Variants in ABHD2 observed in about 807,000 individuals in gnomAD.
ABHD2 encodes monoacylglycerol lipase ABHD2.
A neutral mutation model predicts 48.1 loss-of-function variants in ABHD2; 20 were observed. The ratio of observed to expected loss-of-function variants is 0.42; its 90% confidence interval spans 0.29 to 0.60. The LOEUF (loss-of-function observed/expected upper bound fraction) is 0.60. Among genes scored for constraint, ABHD2 ranks in the 20% least tolerant of loss-of-function variants. The probability of loss-of-function intolerance (pLI) is 0.24; values close to 1 mark genes in which losing one functional copy is unlikely to be tolerated. For missense variants in ABHD2, 405 were observed against 550.9 expected, an observed-to-expected ratio of 0.74 and a Z score of 2.65; for synonymous variants, 209 against 214.2, an observed-to-expected ratio of 0.98 and a Z score of 0.21.
Position 89,186,563 on chromosome 15 carries a change from T to C in ABHD2, c.815+1047T>C, listed in dbSNP as rs2051213565. On this transcript the variant is annotated intron_variant, in intron 7 of 10. Coordinates refer to ENST00000352732, the MANE Select transcript of ABHD2 (RefSeq NM_152924.5). This position sits in a 1 kb window ranked among gnomAD's most constrained non-coding sequence, Gnocchi z 4.3. ...AACTCAGCCCATCCTTTAAAGTCCA[T>C]CTCAATTCTCCTGCTTCTGTGAAGC... Among the ~76,000 whole-genome samples the C allele has an allele frequency of 6.6e-6, 1 of 152,050 alleles. No individual in the cohort carries two copies. The highest frequency in any genetic ancestry group is 6.5e-5 in the Admixed American group (1 of 15,268).
chr15:89,161,440 G>T, intron 5 of ABHD2, among the ~76,000 whole-genome samples: 1 of 151,858 alleles, frequency 6.6e-6, no homozygotes, highest in South Asian at 2.1e-4. Context: ...TCACTCTGTT[G>T]CCGAGGCTGG....
In ABHD2 at chr15:89,179,993, G is replaced by A. The variant is rs1021771093; in HGVS notation, c.722+3998G>A. 6.6e-6 allele frequency among the ~76,000 whole-genome samples: 1 copy of A among 152,214 alleles called. No individual in the cohort carries two copies. The highest frequency in any genetic ancestry group is 1.5e-5 in the Non-Finnish European group (1 of 68,026). ...TGGGCAAACTTCAGGCTAGAGATGA[G>A]TTTATGGCAAAAGCAAATATTATTC... On this transcript the variant is annotated intron_variant, in intron 6 of 10. Coordinates refer to ENST00000352732, the MANE Select transcript of ABHD2 (RefSeq NM_152924.5). The surrounding 1 kb of genome is among the most constrained non-coding windows in gnomAD (Gnocchi z 4.3).
At chr15:89,049,429 T>C in the ABHD2 span, among the ~76,000 whole-genome samples, 15 of 152,256 alleles carry the variant, frequency 9.9e-5, no homozygotes, top group South Asian at 2.1e-4. Context: ...TGTTCGAGCT[T>C]CCTGGCTGCT....
the ABHD2 span, among the ~76,000 whole-genome samples, chr15:89,080,341 G>A: frequency 1.7e-4 from 26 of 152,306 alleles, no homozygotes; most frequent in Non-Finnish European, 3.2e-4. Flanking sequence ...GTGTAAGGGT[G>A]TTCTCAAAAA....
intron 3 of ABHD2, among the ~76,000 whole-genome samples, chr15:89,121,223 C>T (rs1004761573): frequency 1.3e-5 from 2 of 152,168 alleles, no homozygotes; most frequent in African/African-American, 2.4e-5. Flanking sequence ...TCCTTGGTTT[C>T]CTTCTATGTA....
intron 8 of ABHD2, 94 bp from the exon 9 acceptor site, chr15:89,190,986 C>T (rs1239178932): frequency 5.8e-6 from 7 of 1,200,012 alleles, no homozygotes; most frequent in Admixed American, 1.8e-5. Flanking sequence ...CACAAGTTAG[C>T]GTGAGGAACT....
chr15:89,092,022 G>A lies in ABHD2; in HGVS notation c.-107+3459G>A, dbSNP rs527781411. On this transcript the variant is annotated intron_variant, in intron 1 of 10. Coordinates refer to ENST00000352732, the MANE Select transcript of ABHD2 (RefSeq NM_152924.5). This position sits in a 1 kb window ranked among gnomAD's most constrained non-coding sequence, Gnocchi z 4.4. ...TTAAGCCCTGTGCTGCTGTTTCTTTGTTGATACCATACAGATGCTACATTA... is the reference window on the plus strand; with the variant it reads ...TTAAGCCCTGTGCTGCTGTTTCTTTATTGATACCATACAGATGCTACATTA... Among the ~76,000 whole-genome samples, 3 of 152,180 alleles carry A rather than the reference G, an allele frequency of 2.0e-5. No individual in the cohort carries two copies. The highest frequency in any genetic ancestry group is 4.4e-5 in the Non-Finnish European group (3 of 68,044).
intron 3 of ABHD2, among the ~76,000 whole-genome samples, chr15:89,149,379 G>T (rs1288870655): frequency 6.6e-6 from 1 of 152,106 alleles, no homozygotes; most frequent in East Asian, 1.9e-4. Flanking sequence ...ATATATTTTT[G>T]TATATTTTAA....
intron 2 of ABHD2, among the ~76,000 whole-genome samples, chr15:89,115,748 T>G (rs892518992): frequency 2.0e-5 from 3 of 152,152 alleles, no homozygotes; most frequent in African/African-American, 7.2e-5. Context: ...TGAGTCAGGC[T>G]GAGGTTGCTT....
the ABHD2 span, among the ~76,000 whole-genome samples, chr15:89,047,416 G>C: frequency 3.9e-5 from 6 of 152,198 alleles, no homozygotes; most frequent in South Asian, 2.1e-4. Context: ...ATTAGGTCCA[G>C]TTGGTGCAGA....
At chr15:89,124,554 T>G (rs2050103262) in intron 3 of ABHD2, among the ~76,000 whole-genome samples, 1 of 152,234 alleles carries the variant, frequency 6.6e-6, no homozygotes, top group African/African-American at 2.4e-5. Flanking sequence ...CACATCAGAT[T>G]TAGATCCTTT....
Position 89,151,974 on chromosome 15 carries a change from G to T in ABHD2, c.370+122G>T. On this transcript the variant is annotated intron_variant, in intron 4 of 10. Transcript: ENST00000352732. The surrounding 1 kb of genome is among the most constrained non-coding windows in gnomAD (Gnocchi z 4.7). ...TGCCCATGGCATCAGGGGCTGTTGG[G>T]AAGCCTGCTGGGATTCGTCACTTAG... 1 of 1,306,644 alleles carries T rather than the reference G, an allele frequency of 7.7e-7. No homozygotes were observed. The allele number at this position is 1,306,644 out of a possible 1,614,324, so 80.9% of individuals were successfully genotyped here.
Position 89,173,189 on chromosome 15 carries a change from G to T in ABHD2, c.539-2623G>T, listed in dbSNP as rs1287456111. On this transcript the variant is annotated intron_variant, in intron 5 of 10. Transcript: ENST00000352732. This position sits in a 1 kb window ranked among gnomAD's most constrained non-coding sequence, Gnocchi z 6.5. ...TTGCTCATTGTGCTCTCAGCTGTTT[G>T]TTTGCACATCCCCTTTTTTATATCA... Among the ~76,000 whole-genome samples the T allele has an allele frequency of 6.6e-6, 1 of 152,234 alleles. No homozygotes were observed. The highest frequency in any genetic ancestry group is 1.5e-5 in the Non-Finnish European group (1 of 68,046).
In ABHD2 at chr15:89,188,170, G is replaced by C; in HGVS notation, c.816-23G>C. 3.7e-6 allele frequency: 6 copies of C among 1,603,790 alleles called. No homozygotes were observed. The highest frequency in any genetic ancestry group is 1.3e-5 in the African/African-American group (1 of 74,862). On this transcript the variant is annotated intron_variant, in intron 7 of 10. Coordinates refer to ENST00000352732, the MANE Select transcript of ABHD2 (RefSeq NM_152924.5). This position sits in a 1 kb window ranked among gnomAD's most constrained non-coding sequence, Gnocchi z 4.1. ...GTTCATCCTCCACATCTTAATCTCT[G>C]TTTGCTTTTGTGTTTGCTCTAGGCA...
At chr15:89,191,820 G>A (rs2051311119) in intron 9 of ABHD2, among the ~76,000 whole-genome samples, 1 of 151,884 alleles carries the variant, frequency 6.6e-6, no homozygotes, top group Non-Finnish European at 1.5e-5. Flanking sequence ...GTAGAGATGG[G>A]GTTTCACCAT....
At chr15:89,158,712 T>C (rs530338750) in intron 5 of ABHD2, among the ~76,000 whole-genome samples, 1 of 152,250 alleles carries the variant, frequency 6.6e-6, no homozygotes, top group East Asian at 1.9e-4. Context: ...CTTTTTGTTT[T>C]GTTTTGTTTT....
chr15:89,162,003 G>A (rs756633469), intron 5 of ABHD2, among the ~76,000 whole-genome samples: 5 of 152,096 alleles, frequency 3.3e-5, no homozygotes, highest in Non-Finnish European at 5.9e-5. Flanking sequence ...TGTGTCTCTG[G>A]TATCTCTCTG....
chr15:89,095,093 T>A (rs546247090), intron 1 of ABHD2, among the ~76,000 whole-genome samples: 1 of 151,908 alleles, frequency 6.6e-6, no homozygotes, highest in East Asian at 1.9e-4. Context: ...AAAGATATTT[T>A]AGCACCAAAA....
the ABHD2 span, among the ~76,000 whole-genome samples, chr15:89,069,101 T>C: frequency 0.24 from 24,745 of 103,214 alleles, 2,393 homozygotes; most frequent in African/African-American, 0.3. Flanking sequence ...GGCAAGCTCT[T>C]TTTTTCTTTT....
Sources: gnomAD v4.1 joint callset for allele counts (sites outside exome capture counted in the v4.1 genomes callset) on GRCh38, gnomAD v4.1.1 for gene constraint, Gnocchi (gnomAD v3.1) non-coding constraint, MANE v1.5 for transcripts, NCBI Gene and HGNC (gene_info 2026-07-23, HGNC 2026-07-21) for gene names.